Variants in NF1 observed in about 807,000 individuals in gnomAD.
NF1 encodes neurofibromin.
In NF1, 122 loss-of-function variants were observed where a neutral mutation model predicts 325.7. The observed-to-expected ratio is 0.37, with a 90% CI of 0.32 to 0.44. NF1 has a LOEUF of 0.44. NF1 is among the 20% of genes least tolerant of loss of function. NF1 has a pLI of 1.00. For synonymous variants in NF1, 1,091 were observed against 1,186.0 expected, an observed-to-expected ratio of 0.92 and a Z score of 1.65; for missense variants, 2,140 against 3,415.4, an observed-to-expected ratio of 0.63 and a Z score of 9.31.
chr17:31,266,216 G>C (rs1442679699), intron 36 of NF1, among the ~76,000 whole-genome samples: 3 of 152,148 alleles, frequency 2.0e-5, no homozygotes, highest in Non-Finnish European at 4.4e-5. Flanking sequence ...TAAGTTAGTA[G>C]ACTTACATTG....
At chr17:31,209,035 A>G (rs2066674570) in intron 12 of NF1, among the ~76,000 whole-genome samples, 1 of 152,106 alleles carries the variant, frequency 6.6e-6, no homozygotes. Context: ...GGACTGGATA[A>G]CTCTGTTATA....
Position 31,375,733 on chromosome 17 carries a change from C to T in NF1, c.*1578C>T, listed in dbSNP as rs919605994. The T allele has an allele frequency of 8.6e-6, 2 of 232,292 alleles. No individual in the cohort carries two copies. Among genetic ancestry groups the T allele is most frequent in the Admixed American group, 5.6e-5 (1 of 17,748 alleles). The allele number at this position is 232,292 out of a possible 1,614,324, so 14.4% of individuals were successfully genotyped here. On this transcript the variant is annotated 3_prime_UTR_variant, in exon 58 of 58. Transcript: ENST00000358273. Reference sequence around the variant, plus strand: ...ACAGCTAATTCAATAAATAATGGTACATTTAAGTGTTCTGATTTTAATAAT... The same window carrying T: ...ACAGCTAATTCAATAAATAATGGTATATTTAAGTGTTCTGATTTTAATAAT...
chr17:31,304,861 G>GCT (rs776912312), intron 36 of NF1: 2 of 1,613,926 alleles, frequency 1.2e-6, no homozygotes, highest in South Asian at 1.1e-5. Context: ...ACAAATGTCA[G>GCT]GGGTTTCTCC....
chr17:31,227,346 G>T, intron 19 of NF1, 55 bp downstream of exon 19: 1 of 1,574,558 alleles, frequency 6.4e-7, no homozygotes, highest in East Asian at 2.2e-5. Context: ...CAATTTGGAA[G>T]CCTCTTGTTA....
chr17:31,164,191 T>G (rs888370306), intron 4 of NF1, among the ~76,000 whole-genome samples: 5 of 152,332 alleles, frequency 3.3e-5, no homozygotes, highest in South Asian at 4.1e-4. Context: ...TATACCAGAT[T>G]GCTTCCCTAT....
intron 36 of NF1, among the ~76,000 whole-genome samples, chr17:31,278,550 T>G (rs2068057958): frequency 6.9e-6 from 1 of 145,974 alleles, no homozygotes; most frequent in Non-Finnish European, 1.5e-5. Context: ...CTATTAAGTT[T>G]TATGCCATGT....
rs186836923 is a variant in NF1 at position 31,314,786 on chromosome 17, T to C, written c.4836-11034T>C. ...AAAAGTGGGAGTGCAGATGTCTCTT[T>C]GTACAGTTTTCCTTTCTGTTGGGTA... On this transcript the variant is annotated intron_variant, in intron 36 of 57. Coordinates refer to ENST00000358273, the MANE Select transcript of NF1 (RefSeq NM_001042492.3). Among the ~76,000 whole-genome samples, 31 of 152,334 alleles carry C rather than the reference T, an allele frequency of 2.0e-4. No individual in the cohort carries two copies. The East Asian group carries it at 5.8e-3, about 28-fold the overall frequency.
At position 31,282,452 on chromosome 17, in the gene NF1, T is replaced by A. The variant is rs115803729; in HGVS notation, c.4835+17113T>A. On this transcript the variant is annotated intron_variant, in intron 36 of 57. Coordinates refer to ENST00000358273, the MANE Select transcript of NF1 (RefSeq NM_001042492.3). ...TGTACTCATTACCACTGTCTAATTT[T>A]AAACATTTTCATCACTCCAAAAAGA... Among the ~76,000 whole-genome samples, 583 of 151,992 alleles carry A rather than the reference T, an allele frequency of 3.8e-3. 3 individuals are homozygous for A. The highest frequency in any genetic ancestry group is 0.014 in the African/African-American group (563 of 41,434).
intron 1 of NF1, among the ~76,000 whole-genome samples, chr17:31,123,895 A>G (rs1477241726): frequency 6.6e-6 from 1 of 152,014 alleles, no homozygotes; most frequent in African/African-American, 2.4e-5. Context: ...TCTCTTTTCT[A>G]TTATTTTTGT....
intron 4 of NF1, among the ~76,000 whole-genome samples, chr17:31,165,047 C>G (rs17881157): frequency 6.6e-6 from 1 of 152,076 alleles, no homozygotes; most frequent in Non-Finnish European, 1.5e-5. Flanking sequence ...TTTGAAACAC[C>G]TGTTAAATTA....
chr17:31,107,790 A>G (rs1441377604), intron 1 of NF1, among the ~76,000 whole-genome samples: 1 of 151,920 alleles, frequency 6.6e-6, no homozygotes, highest in Non-Finnish European at 1.5e-5. Context: ...ACCATTTTTT[A>G]TCTTTCCTCC....
At chr17:31,103,715 A>C (rs1912578624) in intron 1 of NF1, among the ~76,000 whole-genome samples, 1 of 152,026 alleles carries the variant, frequency 6.6e-6, no homozygotes, top group Non-Finnish European at 1.5e-5. Context: ...CATGCCTATA[A>C]TTCAAGCTTT....
intron 33 of NF1, 82 bp downstream of exon 33, chr17:31,259,211 AT>A (rs1358379257): frequency 5.1e-5 from 48 of 937,644 alleles, no homozygotes; most frequent in Middle Eastern, 5.4e-4. Flanking sequence ...CCTGTTTTAC[AT>A]GAAGTTCCTG....
At chr17:31,292,182 G>T (rs373780880) in intron 36 of NF1, among the ~76,000 whole-genome samples, 7 of 152,154 alleles carry the variant, frequency 4.6e-5, no homozygotes, top group African/African-American at 1.7e-4. Flanking sequence ...GTAAAGTAGA[G>T]CCAAGCCTTA....
At chr17:31,318,580 A>G (rs773596609) in intron 36 of NF1, 1 of 1,614,120 alleles carries the variant, frequency 6.2e-7, no homozygotes, top group South Asian at 1.1e-5. Context: ...GATAAGAAAA[A>G]GCACTGCAAT....
intron 43 of NF1, 90 bp downstream of exon 43, chr17:31,337,672 C>A: frequency 7.1e-7 from 1 of 1,418,330 alleles, no homozygotes; most frequent in Non-Finnish European, 9.8e-7. Context: ...GTTTATTGTG[C>A]TATTTTGTAC....
chr17:31,297,843 T>C (rs1354088601), intron 36 of NF1, among the ~76,000 whole-genome samples: 1 of 152,172 alleles, frequency 6.6e-6, no homozygotes, highest in Non-Finnish European at 1.5e-5. Flanking sequence ...AGTACTGAAA[T>C]ACGATTATTT....
intron 35 of NF1, among the ~76,000 whole-genome samples, chr17:31,263,102 G>A (rs2067718431): frequency 1.1e-5 from 1 of 89,946 alleles, no homozygotes; most frequent in South Asian, 3.4e-4. Context: ...TAGGTAGGTA[G>A]GTAGGTAGAT....
chr17:31,322,130 A>AC (rs2069216825), intron 36 of NF1, among the ~76,000 whole-genome samples: 3 of 120,330 alleles, frequency 2.5e-5, no homozygotes, highest in Non-Finnish European at 4.7e-5. Context: ...CACACACACA[A>AC]CTGTCAAACA....
Sources: gnomAD v4.1 joint callset for allele counts (sites outside exome capture counted in the v4.1 genomes callset) on GRCh38, gnomAD v4.1.1 for gene constraint, MANE v1.5 for transcripts, NCBI Gene and HGNC (gene_info 2026-07-23, HGNC 2026-07-21) for gene names.